Variants in RBFOX1 observed in about 807,000 individuals in gnomAD.
RBFOX1 encodes the protein RNA binding fox-1 homolog 1.
RBFOX1 carries 8 observed loss-of-function variants against 57.7 expected under a neutral mutation model. The observed-to-expected ratio is 0.14, with a 90% CI of 0.08 to 0.25. The LOEUF is 0.25. RBFOX1 is among the 10% of genes least tolerant of loss of function. The probability of loss-of-function intolerance (pLI) is 1.00; values close to 1 mark genes in which losing one functional copy is unlikely to be tolerated. For missense variants in RBFOX1, 611 were observed against 548.5 expected (o/e 1.11, Z -1.14); for synonymous variants, 326 against 222.4 (o/e 1.47, Z -4.15).
chr16:5,744,465 G>C (rs935120187), intron 3 of RBFOX1, among the ~76,000 whole-genome samples: 1 of 152,140 alleles, frequency 6.6e-6, no homozygotes, highest in Admixed American at 6.6e-5. Context: ...CCCCATCGAT[G>C]CTGGACCTGG....
intron 4 of RBFOX1, among the ~76,000 whole-genome samples, chr16:7,488,492 A>G (rs963723644): frequency 3.9e-5 from 6 of 152,124 alleles, no homozygotes; most frequent in Admixed American, 3.3e-4. Context: ...TTCATTATCC[A>G]TATATACATT....
At chr16:5,673,874 A>G (rs1478259903) in intron 3 of RBFOX1, among the ~76,000 whole-genome samples, 2 of 152,206 alleles carry the variant, frequency 1.3e-5, no homozygotes, top group African/African-American at 2.4e-5. Flanking sequence ...TGCCTGCATC[A>G]TCTGCTTCAG....
chr16:6,500,772 A>C (rs1402339609), intron 2 of RBFOX1, among the ~76,000 whole-genome samples: 1 of 152,010 alleles, frequency 6.6e-6, no homozygotes, highest in Non-Finnish European at 1.5e-5. Context: ...CCTCACAAAG[A>C]TTATAAACCA....
At position 7,403,135 on chromosome 16, in the gene RBFOX1, A is replaced by T. The variant is rs547844222; in HGVS notation, c.28-115012A>T. 3.3e-5 allele frequency among the ~76,000 whole-genome samples: 5 copies of T among 152,292 alleles called. No individual in the cohort carries two copies. The South Asian group carries it at 1.0e-3, about 32-fold the overall frequency. On this transcript the variant is annotated intron_variant, in intron 4 of 15. Transcript: ENST00000550418. ...AACAAATATAAATTATGTACATTTA[A>T]GGTATACCATTTGATATTTTGATAT...
chr16:7,370,212 T>G (rs1315193542), intron 4 of RBFOX1, among the ~76,000 whole-genome samples: 1 of 152,150 alleles, frequency 6.6e-6, no homozygotes, highest in Admixed American at 6.5e-5. Flanking sequence ...CATTGTCCCC[T>G]GGGGAGGGGA....
At chr16:7,005,618 C>T (rs909589415) in intron 3 of RBFOX1, among the ~76,000 whole-genome samples, 2 of 152,146 alleles carry the variant, frequency 1.3e-5, no homozygotes, top group African/African-American at 4.8e-5. Flanking sequence ...GGTGGCTTGA[C>T]ACTCACAGAT....
chr16:5,626,776 T>TA (rs572281506), intron 3 of RBFOX1, among the ~76,000 whole-genome samples: 30 of 149,070 alleles, frequency 2.0e-4, no homozygotes, highest in African/African-American at 3.9e-4. Flanking sequence ...ACCAGGGTTT[T>TA]AAAAAAAAAA....
intron 4 of RBFOX1, among the ~76,000 whole-genome samples, chr16:7,511,687 G>T (rs2075127432): frequency 6.6e-6 from 1 of 152,108 alleles, no homozygotes; most frequent in South Asian, 2.1e-4. Context: ...TTGGTAACTG[G>T]AGTGAAAGCT....
intron 2 of RBFOX1, among the ~76,000 whole-genome samples, chr16:6,386,097 G>T (rs959658627): frequency 6.6e-6 from 1 of 152,040 alleles, no homozygotes; most frequent in Admixed American, 6.6e-5. Context: ...CACCGCGCCC[G>T]GCTAACTTTT....
At chr16:5,494,523 C>T (rs1374599752) in intron 2 of RBFOX1, among the ~76,000 whole-genome samples, 3 of 152,180 alleles carry the variant, frequency 2.0e-5, no homozygotes, top group African/African-American at 4.8e-5. Context: ...AAGGCAGATG[C>T]TGTGGTCCAA....
chr16:5,271,912 T>C (rs999652767), intron 1 of RBFOX1, among the ~76,000 whole-genome samples: 6 of 152,250 alleles, frequency 3.9e-5, no homozygotes, highest in South Asian at 2.1e-4. Context: ...GTCTATGTTG[T>C]TGAAAATGAC....
At chr16:5,916,625 A>G (rs1807815267) in intron 4 of RBFOX1, among the ~76,000 whole-genome samples, 1 of 152,098 alleles carries the variant, frequency 6.6e-6, no homozygotes, top group South Asian at 2.1e-4. Flanking sequence ...GGGAAGCAGG[A>G]GGAGGAGGAC....
At chr16:7,553,803 C>G (rs954309058) in intron 5 of RBFOX1, among the ~76,000 whole-genome samples, 1 of 152,206 alleles carries the variant, frequency 6.6e-6, no homozygotes, top group Non-Finnish European at 1.5e-5. Context: ...GAGGCTGTTG[C>G]TGGAGCTAAG....
chr16:6,889,830 G>A (rs1232391784), intron 3 of RBFOX1, among the ~76,000 whole-genome samples: 1 of 152,214 alleles, frequency 6.6e-6, no homozygotes, highest in East Asian at 1.9e-4. Flanking sequence ...GTGGTTCACA[G>A]ACACAGCAGG....
At chr16:7,168,651 A>G (rs901192330) in intron 4 of RBFOX1, among the ~76,000 whole-genome samples, 7 of 152,144 alleles carry the variant, frequency 4.6e-5, no homozygotes, top group Non-Finnish European at 8.8e-5. Context: ...TTTCACTGAG[A>G]AGCCTCCACC....
At chr16:6,268,424 C>T (rs2074801094) in intron 1 of RBFOX1, among the ~76,000 whole-genome samples, 1 of 152,094 alleles carries the variant, frequency 6.6e-6, no homozygotes, top group African/African-American at 2.4e-5. Flanking sequence ...TTAGTGGGTC[C>T]AAGATAGCTG....
At chr16:6,827,936 A>T (rs1280779787) in intron 3 of RBFOX1, among the ~76,000 whole-genome samples, 1 of 152,216 alleles carries the variant, frequency 6.6e-6, no homozygotes, top group African/African-American at 2.4e-5. Context: ...GTTTTGATTA[A>T]TGCCTGTTGT....
At chr16:5,412,814 G>C (rs1489888009) in intron 1 of RBFOX1, among the ~76,000 whole-genome samples, 1 of 152,220 alleles carries the variant, frequency 6.6e-6, no homozygotes, top group Non-Finnish European at 1.5e-5. Flanking sequence ...CACCAAGCCT[G>C]TCACAGCTAG....
At chr16:5,315,618 A>C (rs990815273) in intron 1 of RBFOX1, among the ~76,000 whole-genome samples, 1 of 152,164 alleles carries the variant, frequency 6.6e-6, no homozygotes, top group Non-Finnish European at 1.5e-5. Flanking sequence ...TGTAGCAGGG[A>C]CCCTGTTTGT....
Sources: gnomAD v4.1 joint callset for allele counts (sites outside exome capture counted in the v4.1 genomes callset) on GRCh38, gnomAD v4.1.1 for gene constraint, MANE v1.5 for transcripts, NCBI Gene and HGNC (gene_info 2026-07-23, HGNC 2026-07-21) for gene names.